The following IKZF3 variants were observed in gnomAD, a reference collection of about 807,000 sequenced individuals.
IKZF3 encodes zinc finger protein Aiolos.
Under a neutral mutation model 49.0 loss-of-function variants are expected in IKZF3, and 10 were observed. The ratio of observed to expected loss-of-function variants is 0.20; its 90% CI spans 0.13 to 0.35. The LOEUF (loss-of-function observed/expected upper bound fraction) is 0.35, where lower values mean the gene tolerates loss of function less well. Ranked by LOEUF, IKZF3 falls within the 10% of genes least tolerant of loss-of-function variation. The pLI, the probability that IKZF3 is intolerant of heterozygous loss-of-function variation, is 1.00. For synonymous variants in IKZF3, 209 were observed against 228.2 expected (o/e 0.92, Z 0.76); for missense variants, 498 against 664.8 (o/e 0.75, Z 2.76).
At chr17:39,819,913 C>A (rs776737357) in intron 3 of IKZF3, among the ~76,000 whole-genome samples, 21 of 152,226 alleles carry the variant, frequency 1.4e-4, no homozygotes, top group Middle Eastern at 3.4e-3. Flanking sequence ...CAGAAAAATC[C>A]GCCCACCTTG....
chr17:39,776,476 C>G (rs1487632671), intron 7 of IKZF3, among the ~76,000 whole-genome samples: 1 of 152,172 alleles, frequency 6.6e-6, no homozygotes, highest in Admixed American at 6.5e-5. Flanking sequence ...GGAGGGAGGA[C>G]AGCAAGGAGG....
intron 6 of IKZF3, 103 bp from the exon 7 acceptor site, chr17:39,777,870 C>T: frequency 1.3e-6 from 2 of 1,529,526 alleles, no homozygotes; most frequent in Non-Finnish European, 1.7e-6. Flanking sequence ...TGGATGCACA[C>T]TCTATTGTTG....
At chr17:39,836,510 G>A (rs778406765) in intron 1 of IKZF3, among the ~76,000 whole-genome samples, 1 of 152,190 alleles carries the variant, frequency 6.6e-6, no homozygotes, top group African/African-American at 2.4e-5. Context: ...CAGTTCTCAA[G>A]TGTACTGTTT....
chr17:39,804,756 C>T (rs148192475), intron 3 of IKZF3, among the ~76,000 whole-genome samples: 18 of 152,272 alleles, frequency 1.2e-4, no homozygotes, highest in Non-Finnish European at 2.6e-4. Context: ...CTTTTTAAAT[C>T]TCTTTCCTTG....
chr17:39,816,709 CT>C (rs2061684503), intron 3 of IKZF3, among the ~76,000 whole-genome samples: 1 of 152,148 alleles, frequency 6.6e-6, no homozygotes, highest in South Asian at 2.1e-4. Context: ...AAAGTTAATA[CT>C]TTTGTTTGTT....
intron 3 of IKZF3, among the ~76,000 whole-genome samples, chr17:39,802,621 G>GA (rs2061348608): frequency 7.1e-6 from 1 of 140,236 alleles, no homozygotes; most frequent in African/African-American, 2.7e-5. Context: ...AAAAAAAAAA[G>GA]AAAAAAAATT....
At chr17:39,807,023 A>G (rs1033509492) in intron 3 of IKZF3, among the ~76,000 whole-genome samples, 1 of 152,108 alleles carries the variant, frequency 6.6e-6, no homozygotes, top group African/African-American at 2.4e-5. Context: ...TTGGAAACTG[A>G]TCCTTCCCTA....
In IKZF3 at chr17:39,832,094, T is replaced by G. The variant is rs1429383188; in HGVS notation, c.61+4A>C. Reference sequence around the variant, plus strand: ...ATTTCCAGAGAGGAAAGACCTGATGTTACCTGCGGGCACAGACTGCTCCTG... The same window carrying G: ...ATTTCCAGAGAGGAAAGACCTGATGGTACCTGCGGGCACAGACTGCTCCTG... On this transcript the variant is annotated splice_donor_region_variant and intron_variant, in intron 2 of 7. Coordinates refer to ENST00000346872, the MANE Select transcript of IKZF3 (RefSeq NM_012481.5). 2 of 1,608,196 alleles carry G rather than the reference T, an allele frequency of 1.2e-6. No individual in the cohort carries two copies. Among genetic ancestry groups the G allele is most frequent in the Middle Eastern group, 3.3e-4 (2 of 6,050 alleles).
At chr17:39,847,728 G>C (rs2062676498) in intron 1 of IKZF3, among the ~76,000 whole-genome samples, 2 of 151,950 alleles carry the variant, frequency 1.3e-5, no homozygotes, top group Admixed American at 6.6e-5. Context: ...AGATAAATAG[G>C]GGCAATGGCA....
chr17:39,857,203 C>T (rs867071426), intron 1 of IKZF3, among the ~76,000 whole-genome samples: 1 of 152,130 alleles, frequency 6.6e-6, no homozygotes, highest in Non-Finnish European at 1.5e-5. Context: ...AGTTTTCATA[C>T]TGGACAATAT....
In IKZF3 at chr17:39,769,400, A is replaced by G. The variant is rs529945042; in HGVS notation, c.827-2907T>C. On this transcript the variant is annotated intron_variant, in intron 7 of 7. Transcript: ENST00000346872. ...CAGCTGACCTTAAGGCCAACCTGAT[A>G]GTTTCCAGAGAAATACCTGAGAGAG... Among the ~76,000 whole-genome samples the G allele has an allele frequency of 7.4e-4, 113 of 152,336 alleles. 1 individual carries two copies. The highest frequency in any genetic ancestry group is 1.5e-3 in the Admixed American group (23 of 15,308).
chr17:39,818,710 T>C (rs1466608917), intron 3 of IKZF3, among the ~76,000 whole-genome samples: 1 of 151,904 alleles, frequency 6.6e-6, no homozygotes, highest in African/African-American at 2.4e-5. Flanking sequence ...ATATAAAAAT[T>C]AGCCAGGCAT....
rs2061013968 is a variant in IKZF3 at position 39,791,264 on chromosome 17, G to A, written c.592+152C>T. On this transcript the variant is annotated intron_variant, in intron 5 of 7. Coordinates refer to ENST00000346872, the MANE Select transcript of IKZF3 (RefSeq NM_012481.5). ...ACGGAGAGCAATTAGTGCCTTAATG[G>A]TCGTGTAATTAGCCCTAGAGGTCTC... 3.3e-5 allele frequency: 23 copies of A among 693,166 alleles called. No individual in the cohort carries two copies. In the South Asian group the frequency reaches 4.3e-4, roughly 13 times the overall value. 42.9% of individuals were successfully genotyped at this position (693,166 alleles called of 1,614,324 possible).
chr17:39,845,643 T>C (rs913754857), intron 1 of IKZF3, among the ~76,000 whole-genome samples: 59 of 152,066 alleles, frequency 3.9e-4, no homozygotes, highest in African/African-American at 1.4e-3. Context: ...ACAGAGACCA[T>C]ATGACCTGCA....
intron 7 of IKZF3, 127 bp downstream of exon 7, chr17:39,777,523 AG>A: frequency 1.6e-6 from 1 of 617,572 alleles, no homozygotes; most frequent in Non-Finnish European, 2.8e-6. Context: ...GAAGAATAAA[AG>A]TACACAATGA....
intron 1 of IKZF3, among the ~76,000 whole-genome samples, chr17:39,850,212 A>T (rs1016630415): frequency 1.5e-5 from 2 of 135,230 alleles, no homozygotes; most frequent in African/African-American, 5.5e-5. Context: ...ATACTATATA[A>T]CATATTATGT....
At chr17:39,773,015 C>T (rs1488995011) in intron 7 of IKZF3, among the ~76,000 whole-genome samples, 1 of 152,070 alleles carries the variant, frequency 6.6e-6, no homozygotes, top group East Asian at 1.9e-4. Flanking sequence ...AGGGTTTCAC[C>T]ATATTGGCCC....
In IKZF3 at chr17:39,763,329, G is replaced by A. The variant is rs183734888; in HGVS notation, c.*2461C>T. On this transcript the variant is annotated 3_prime_UTR_variant, in exon 8 of 8. Transcript: ENST00000346872. ...CACATAGACGAGTTGAGTTGGAGCC[G>A]AATGCATAAGCCCCTTAGAAATAAA... 6.6e-6 allele frequency: 1 copy of A among 152,222 alleles called. No homozygotes were observed. Among genetic ancestry groups the A allele is most frequent in the East Asian group, 1.9e-4 (1 of 5,184 alleles). The allele number at this position is 152,222 out of a possible 1,614,324, so 9.4% of individuals were successfully genotyped here.
At chr17:39,789,453 C>T (rs2060957616) in intron 5 of IKZF3, among the ~76,000 whole-genome samples, 1 of 152,198 alleles carries the variant, frequency 6.6e-6, no homozygotes, top group African/African-American at 2.4e-5. Context: ...GTCCCAGCTA[C>T]TCAGGAGGCT....
Sources: allele counts gnomAD v4.1 joint callset (sites outside exome capture counted in the v4.1 genomes callset), GRCh38; gene constraint gnomAD v4.1.1; transcripts MANE v1.5; gene names NCBI Gene and HGNC (gene_info 2026-07-23, HGNC 2026-07-21).